Variants in B4GALT5 observed in about 807,000 individuals in gnomAD.
The protein encoded by B4GALT5 is UDP-Gal:beta-GlcNAc beta-1,4-galactosyltransferase 5.
A neutral mutation model predicts 45.0 loss-of-function variants in B4GALT5; 11 were observed. The observed-to-expected ratio is 0.24, with a 90% CI of 0.15 to 0.40. The LOEUF is 0.40. Among genes scored for constraint, B4GALT5 ranks in the 10% least tolerant of loss-of-function variants. The pLI, the probability that B4GALT5 is intolerant of heterozygous loss-of-function variation, is 1.00. For missense variants in B4GALT5, 337 were observed against 500.2 expected, an observed-to-expected ratio of 0.67 and a Z score of 3.11; for synonymous variants, 185 against 182.9, an observed-to-expected ratio of 1.01 and a Z score of -0.09.
chr20:49,704,214 C>A (rs1385896950), intron 1 of B4GALT5, among the ~76,000 whole-genome samples: 1 of 152,102 alleles, frequency 6.6e-6, no homozygotes, highest in Non-Finnish European at 1.5e-5. Flanking sequence ...GAAAAAATAA[C>A]CCTGTCTCTC....
At chr20:49,681,162 G>C (rs975865479) in intron 1 of B4GALT5, among the ~76,000 whole-genome samples, 5 of 137,366 alleles carry the variant, frequency 3.6e-5, no homozygotes, top group Non-Finnish European at 6.0e-5. Flanking sequence ...GTTATAGTGA[G>C]CTATGATCAC....
At chr20:49,642,443 G>GA in intron 5 of B4GALT5, 25 bp downstream of exon 5, 1 of 1,534,702 alleles carries the variant, frequency 6.5e-7, no homozygotes, top group African/African-American at 1.4e-5. Context: ...AGAGAAAAAA[G>GA]AAAGGAAAAG....
chr20:49,639,657 C>T, intron 7 of B4GALT5, 21 bp downstream of exon 7: 3 of 1,612,012 alleles, frequency 1.9e-6, no homozygotes, highest in Non-Finnish European at 2.5e-6. Flanking sequence ...CTAGAAGACA[C>T]CGAAAGAACG....
chr20:49,645,023 G>A (rs1416973956), intron 3 of B4GALT5, among the ~76,000 whole-genome samples: 2 of 152,086 alleles, frequency 1.3e-5, no homozygotes, highest in Non-Finnish European at 2.9e-5. Context: ...TAGCTTACAC[G>A]AGATTCAAAA....
intron 3 of B4GALT5, among the ~76,000 whole-genome samples, chr20:49,644,804 G>A (rs1414488664): frequency 6.6e-6 from 1 of 152,132 alleles, no homozygotes; most frequent in African/African-American, 2.4e-5. Context: ...ATATATGGAT[G>A]AGAATATGTT....
At chr20:49,685,558 T>C (rs767832127) in intron 1 of B4GALT5, among the ~76,000 whole-genome samples, 11 of 152,156 alleles carry the variant, frequency 7.2e-5, no homozygotes, top group Non-Finnish European at 1.5e-4. Flanking sequence ...CAAGCCTGGA[T>C]CCCAGTGCTC....
At chr20:49,637,532 T>C (rs2085559268) in intron 7 of B4GALT5, 90 bp from the exon 8 acceptor site, 1 of 919,156 alleles carries the variant, frequency 1.1e-6, no homozygotes. Flanking sequence ...AAGCTTACCC[T>C]GGAAATCACA....
intron 1 of B4GALT5, among the ~76,000 whole-genome samples, chr20:49,658,167 A>G (rs201935151): frequency 1.3e-5 from 2 of 152,190 alleles, no homozygotes; most frequent in African/African-American, 4.8e-5. Flanking sequence ...TATTGTGTTT[A>G]TTCTCTAGTA....
At chr20:49,704,717 T>C (rs1171505597) in intron 1 of B4GALT5, among the ~76,000 whole-genome samples, 2 of 144,070 alleles carry the variant, frequency 1.4e-5, no homozygotes, top group African/African-American at 5.3e-5. Context: ...AGACTCTGTC[T>C]CAAAAAAAAA....
intron 3 of B4GALT5, among the ~76,000 whole-genome samples, chr20:49,644,922 TA>T (rs903220968): frequency 3.7e-4 from 55 of 150,656 alleles, no homozygotes; most frequent in East Asian, 1.9e-4. Context: ...TCTCACTTCT[TA>T]AAAAAAAACA....
At chr20:49,676,509 G>A (rs1393575965) in intron 1 of B4GALT5, among the ~76,000 whole-genome samples, 2 of 152,240 alleles carry the variant, frequency 1.3e-5, no homozygotes, top group African/African-American at 2.4e-5. Flanking sequence ...ATTGATTGAA[G>A]ACTGTGCTAA....
At chr20:49,654,172 C>T (rs1276049451) in intron 2 of B4GALT5, among the ~76,000 whole-genome samples, 3 of 152,200 alleles carry the variant, frequency 2.0e-5, no homozygotes, top group Admixed American at 6.5e-5. Context: ...AGTACTGCCT[C>T]GTTTCTTCAC....
chr20:49,663,030 GAATA>G (rs1218300140), intron 1 of B4GALT5, among the ~76,000 whole-genome samples: 2 of 152,176 alleles, frequency 1.3e-5, no homozygotes, highest in African/African-American at 4.8e-5. Flanking sequence ...ACAGCAACAG[GAATA>G]AATAAACTAG....
In B4GALT5 at chr20:49,661,368, G is replaced by A. The variant is rs557258951; in HGVS notation, c.116-4666C>T. Reference sequence around the variant, plus strand: ...TTCTGCCTCAGCCTCCTGAGTAGCCGGGATTACAGGCACCTGCCATCATGC... The same window carrying A: ...TTCTGCCTCAGCCTCCTGAGTAGCCAGGATTACAGGCACCTGCCATCATGC... On this transcript the variant is annotated intron_variant, in intron 1 of 8. Coordinates refer to ENST00000371711, the MANE Select transcript of B4GALT5 (RefSeq NM_004776.4). Among the ~76,000 whole-genome samples, 42 of 152,178 alleles carry A rather than the reference G, an allele frequency of 2.8e-4. No homozygotes were observed. The South Asian group carries it at 8.1e-3, about 29-fold the overall frequency.
In B4GALT5 at chr20:49,699,115, C is replaced by T. The variant is rs145629004; in HGVS notation, c.115+14461G>A. Among the ~76,000 whole-genome samples, 99 of 152,144 alleles carry T rather than the reference C, an allele frequency of 6.5e-4. No individual in the cohort carries two copies. In the East Asian group the frequency reaches 0.014, roughly 22 times the overall value. Reference sequence around the variant, plus strand: ...TTTTCTAATCAAAAATCAGAAATGACGTTAATAGCAACATATAAGAATTAC... The same window carrying T: ...TTTTCTAATCAAAAATCAGAAATGATGTTAATAGCAACATATAAGAATTAC... On this transcript the variant is annotated intron_variant, in intron 1 of 8. Coordinates refer to ENST00000371711, the MANE Select transcript of B4GALT5 (RefSeq NM_004776.4).
At chr20:49,642,311 G>GCA (rs1207688225) in intron 5 of B4GALT5, among the ~76,000 whole-genome samples, 157 bp downstream of exon 5, 1 of 152,206 alleles carries the variant, frequency 6.6e-6, no homozygotes, top group African/African-American at 2.4e-5. Context: ...CAAACCAGGA[G>GCA]CACAGAATTG....
chr20:49,709,561 C>T (rs1439592098), intron 1 of B4GALT5, among the ~76,000 whole-genome samples: 2 of 152,252 alleles, frequency 1.3e-5, no homozygotes, highest in East Asian at 3.9e-4. Context: ...CACTTGAGGT[C>T]GGGAGTTCGA....
chr20:49,647,116 T>A (rs2085602471), intron 2 of B4GALT5, 38 bp from the exon 3 acceptor site: 1 of 1,306,138 alleles, frequency 7.7e-7, no homozygotes, highest in Non-Finnish European at 1.1e-6. Context: ...CAGACTGGTA[T>A]GTGTGATCAA....
intron 1 of B4GALT5, among the ~76,000 whole-genome samples, chr20:49,664,653 T>C (rs1296969197): frequency 1.3e-5 from 2 of 152,118 alleles, no homozygotes; most frequent in Admixed American, 1.3e-4. Flanking sequence ...GTGAGAAAAA[T>C]TAAACATGGA....
Sources: gnomAD v4.1 joint callset for allele counts (sites outside exome capture counted in the v4.1 genomes callset) on GRCh38, gnomAD v4.1.1 for gene constraint, MANE v1.5 for transcripts, NCBI Gene and HGNC (gene_info 2026-07-23, HGNC 2026-07-21) for gene names.